The following IQCK variants were observed in gnomAD, a reference collection of about 807,000 sequenced individuals.
IQCK encodes the protein IQ domain-containing protein K.
IQCK carries 29 observed loss-of-function variants against 28.1 expected under a neutral mutation model. The observed-to-expected ratio is 1.03, with a 90% CI of 0.77 to 1.41. IQCK has a LOEUF of 1.41. IQCK is among the 40% of genes most tolerant of loss of function. The probability of loss-of-function intolerance (pLI) is 0.00; values close to 1 mark genes in which losing one functional copy is unlikely to be tolerated. For missense variants in IQCK, 359 were observed against 314.7 expected (o/e 1.14, Z -1.07); for synonymous variants, 113 against 115.1 (o/e 0.98, Z 0.12).
chr16:19,748,638 C>A (rs2054945714), intron 4 of IQCK, among the ~76,000 whole-genome samples: 1 of 152,070 alleles, frequency 6.6e-6, no homozygotes. Flanking sequence ...TCCCCATGGC[C>A]TCTTCTGGTT....
Position 19,767,400 on chromosome 16 carries a change from G to A in IQCK, c.605+3288G>A, listed in dbSNP as rs139948316. On this transcript the variant is annotated intron_variant, in intron 6 of 7. Coordinates refer to ENST00000564186, the Ensembl canonical transcript of IQCK. ...TATTGAGTGGAAGTAGCTCTCAGCCGATGGAGGAGCCAGAAGGGCACCATG... is the reference window on the plus strand; with the variant it reads ...TATTGAGTGGAAGTAGCTCTCAGCCAATGGAGGAGCCAGAAGGGCACCATG... Among the ~76,000 whole-genome samples, 296 of 152,234 alleles carry A rather than the reference G, an allele frequency of 1.9e-3. 1 individual carries two copies. Among genetic ancestry groups the A allele is most frequent in the Non-Finnish European group, 3.2e-3 (220 of 68,024 alleles).
chr16:19,756,404 G>C (rs774268235), intron 4 of IQCK, among the ~76,000 whole-genome samples: 2 of 152,016 alleles, frequency 1.3e-5, no homozygotes, highest in East Asian at 3.9e-4. Flanking sequence ...CAGCAAAATC[G>C]AGCCGAATAT....
chr16:19,769,993 C>T (rs751224637), intron 6 of IQCK, among the ~76,000 whole-genome samples: 15 of 152,076 alleles, frequency 9.9e-5, no homozygotes, highest in Non-Finnish European at 1.9e-4. Context: ...CCAAGGGACC[C>T]AGCGAGAAGA....
intron 1 of IQCK, among the ~76,000 whole-genome samples, chr16:19,724,833 C>G (rs1414227104): frequency 6.6e-6 from 1 of 152,068 alleles, no homozygotes; most frequent in Admixed American, 6.6e-5. Context: ...TGCCCGGCCA[C>G]CAGTCAATGC....
chr16:19,834,357 A>G (rs1394125590), intron 9 of IQCK, among the ~76,000 whole-genome samples: 1 of 152,218 alleles, frequency 6.6e-6, no homozygotes, highest in Non-Finnish European at 1.5e-5. Flanking sequence ...AAGTCCACGC[A>G]GCCAGTCAGG....
intron 6 of IQCK, among the ~76,000 whole-genome samples, chr16:19,777,432 A>G (rs1271084466): frequency 6.6e-6 from 1 of 152,194 alleles, no homozygotes; most frequent in African/African-American, 2.4e-5. Flanking sequence ...CACAGCAGAA[A>G]ATTTGTTGTC....
chr16:19,810,552 C>G (rs1185847610), intron 7 of IQCK, among the ~76,000 whole-genome samples: 2 of 150,148 alleles, frequency 1.3e-5, no homozygotes. Flanking sequence ...GTGGTTCACA[C>G]CTGTAATCCC....
At chr16:19,772,943 C>A (rs1284769678) in intron 6 of IQCK, among the ~76,000 whole-genome samples, 2 of 152,056 alleles carry the variant, frequency 1.3e-5, no homozygotes, top group Non-Finnish European at 2.9e-5. Flanking sequence ...GTTTAGGCTG[C>A]AGTGAGCTGT....
chr16:19,836,659 G>T (rs747950780), intron 9 of IQCK, among the ~76,000 whole-genome samples: 1 of 152,022 alleles, frequency 6.6e-6, no homozygotes, highest in Non-Finnish European at 1.5e-5. Context: ...GACTACAGGC[G>T]CACGCCACCA....
intron 9 of IQCK, among the ~76,000 whole-genome samples, chr16:19,856,089 T>C (rs1567204126): frequency 6.6e-6 from 1 of 152,044 alleles, no homozygotes; most frequent in African/African-American, 2.4e-5. Context: ...TTGCCCCCAG[T>C]GATACCCTGA....
At chr16:19,720,411 C>G (rs1252505990) in intron 1 of IQCK, among the ~76,000 whole-genome samples, 5 of 152,194 alleles carry the variant, frequency 3.3e-5, no homozygotes, top group Non-Finnish European at 7.3e-5. Flanking sequence ...TCTTATAATA[C>G]AGTTTACTAG....
chr16:19,733,833 T>A lies in IQCK; in HGVS notation c.376+6T>A. The A allele has an allele frequency of 6.2e-7, 1 of 1,613,724 alleles. No individual in the cohort carries two copies. Among genetic ancestry groups the A allele is most frequent in the Non-Finnish European group, 8.5e-7 (1 of 1,179,830 alleles). ...AACAATCAACCCAAAAACATGTGAG[T>A]AAGAGAGATGCCATCTTTTATAATT... On this transcript the variant is annotated splice_donor_region_variant and intron_variant, in intron 3 of 7. Coordinates refer to ENST00000564186, the Ensembl canonical transcript of IQCK.
In IQCK at chr16:19,812,756, T is replaced by C. The variant is rs527708860; in HGVS notation, c.691-14270T>C. Among the ~76,000 whole-genome samples, 5 of 152,078 alleles carry C rather than the reference T, an allele frequency of 3.3e-5. No homozygotes were observed. In the East Asian group the frequency reaches 9.7e-4, roughly 29 times the overall value. Reference sequence around the variant, plus strand: ...CCCCAAGAGTGGCAATTTGAGACTATAAAATAAGTATAAGATTATAAAGAT... The same window carrying C: ...CCCCAAGAGTGGCAATTTGAGACTACAAAATAAGTATAAGATTATAAAGAT... On this transcript the variant is annotated intron_variant, in intron 7 of 7. Transcript: ENST00000564186.
chr16:19,719,135 T>C (rs1292349105), intron 1 of IQCK, among the ~76,000 whole-genome samples: 1 of 152,180 alleles, frequency 6.6e-6, no homozygotes, highest in Non-Finnish European at 1.5e-5. Flanking sequence ...TGGCACCTAT[T>C]TCGATGGTGT....
chr16:19,855,068 G>A (rs1173012291), intron 9 of IQCK, among the ~76,000 whole-genome samples: 1 of 152,128 alleles, frequency 6.6e-6, no homozygotes, highest in Non-Finnish European at 1.5e-5. Flanking sequence ...TTTGATAGTT[G>A]TCAAACATAG....
exon 1 of IQCK, chr16:19,718,447 C>T (rs1181567903): frequency 4.4e-6 from 7 of 1,606,060 alleles, no homozygotes; most frequent in Non-Finnish European, 5.9e-6. Context: ...GGCAGGTCAC[C>T]GAGCCGTCAA....
At chr16:19,744,680 A>G (rs1321887647) in intron 4 of IQCK, among the ~76,000 whole-genome samples, 1 of 152,244 alleles carries the variant, frequency 6.6e-6, no homozygotes, top group Non-Finnish European at 1.5e-5. Context: ...ATCATGTAAA[A>G]AAAGTAATTG....
intron 4 of IQCK, among the ~76,000 whole-genome samples, chr16:19,751,968 G>T (rs2054992945): frequency 6.6e-6 from 1 of 152,176 alleles, no homozygotes; most frequent in Non-Finnish European, 1.5e-5. Flanking sequence ...TGTAAGGCAG[G>T]AAATCAACTG....
At chr16:19,747,451 A>G (rs1485961980) in intron 4 of IQCK, among the ~76,000 whole-genome samples, 7 of 151,820 alleles carry the variant, frequency 4.6e-5, no homozygotes. Flanking sequence ...AAAGCAAGTC[A>G]CAAGGCCAGC....
Sources: gnomAD v4.1 joint callset for allele counts (sites outside exome capture counted in the v4.1 genomes callset) on GRCh38, gnomAD v4.1.1 for gene constraint, MANE v1.5 for transcripts, NCBI Gene and HGNC (gene_info 2026-07-23, HGNC 2026-07-21) for gene names.